Variants in PPP1R12B observed in about 807,000 individuals in gnomAD.
PPP1R12B encodes myosin phosphatase target subunit 2.
Under a neutral mutation model 126.1 loss-of-function variants are expected in PPP1R12B, and 76 were observed. That is an observed-to-expected ratio of 0.60 (90% CI 0.50 to 0.73). The LOEUF (loss-of-function observed/expected upper bound fraction) is 0.73. Ranked by LOEUF, PPP1R12B falls within the 30% of genes least tolerant of loss-of-function variation. The pLI is 0.00. For missense variants in PPP1R12B, 1,052 were observed against 1,205.1 expected, an observed-to-expected ratio of 0.87 and a Z score of 1.88; for synonymous variants, 356 against 434.7, an observed-to-expected ratio of 0.82 and a Z score of 2.25.
intron 2 of PPP1R12B, among the ~76,000 whole-genome samples, chr1:202,421,786 C>T (rs12734001): frequency 3.3e-5 from 5 of 152,026 alleles, no homozygotes; most frequent in African/African-American, 7.3e-5. Flanking sequence ...GAGCTCCTAG[C>T]GTTATTAGAG....
chr1:202,438,381 C>G, intron 10 of PPP1R12B: 2 of 716,942 alleles, frequency 2.8e-6, no homozygotes, highest in Non-Finnish European at 4.4e-6. Context: ...GGCCAATTCC[C>G]GTCCCCCCAG....
chr1:202,588,990 A>G lies in PPP1R12B; in HGVS notation c.*8430A>G, dbSNP rs1690008186. On this transcript the variant is annotated 3_prime_UTR_variant, in exon 24 of 24. Coordinates refer to ENST00000608999, the MANE Select transcript of PPP1R12B (RefSeq NM_002481.4). Reference sequence around the variant, plus strand: ...GGTGAACACTAGCACACTCTAGTACATGGGAAAGTTGAGGTCTAGGGAGGT... The same window carrying G: ...GGTGAACACTAGCACACTCTAGTACGTGGGAAAGTTGAGGTCTAGGGAGGT... 1.3e-5 allele frequency: 2 copies of G among 152,298 alleles called. No homozygotes were observed. Among genetic ancestry groups the G allele is most frequent in the East Asian group, 1.9e-4 (1 of 5,178 alleles). The allele number at this position is 152,298 out of a possible 1,614,324, so 9.4% of individuals were successfully genotyped here. A position where few individuals can be genotyped will look rare whatever the true frequency, so the allele number is the denominator to read the frequency against.
chr1:202,513,423 AAT>A (rs1371691962), intron 18 of PPP1R12B, among the ~76,000 whole-genome samples: 1 of 152,164 alleles, frequency 6.6e-6, no homozygotes, highest in Non-Finnish European at 1.5e-5. Flanking sequence ...CAGGAGGAAG[AAT>A]ATGTTTGGGG....
intron 1 of PPP1R12B, among the ~76,000 whole-genome samples, chr1:202,398,028 C>G (rs1665251376): frequency 6.6e-6 from 1 of 152,232 alleles, no homozygotes; most frequent in Non-Finnish European, 1.5e-5. Context: ...TCTCCCACCT[C>G]AGCCTCCCGA....
At chr1:202,542,386 G>A (rs1411554391) in intron 18 of PPP1R12B, among the ~76,000 whole-genome samples, 9 of 152,222 alleles carry the variant, frequency 5.9e-5, no homozygotes, top group Middle Eastern at 3.2e-3. Context: ...GAAATGGCTT[G>A]CCTAGCATTG....
chr1:202,492,729 A>C (rs1369538960), intron 14 of PPP1R12B, among the ~76,000 whole-genome samples: 1 of 152,106 alleles, frequency 6.6e-6, no homozygotes, highest in Admixed American at 6.5e-5. Flanking sequence ...ATTTTTCCCC[A>C]GTATCTGCTG....
chr1:202,488,039 A>C (rs187186055), intron 13 of PPP1R12B, among the ~76,000 whole-genome samples: 49 of 152,350 alleles, frequency 3.2e-4, no homozygotes, highest in African/African-American at 1.1e-3. Flanking sequence ...ATTAACAATA[A>C]TACTAATAAC....
At chr1:202,446,034 C>T (rs1282649740) in intron 12 of PPP1R12B, among the ~76,000 whole-genome samples, 5 of 151,620 alleles carry the variant, frequency 3.3e-5, no homozygotes, top group Non-Finnish European at 7.4e-5. Context: ...CTAAAATAAG[C>T]GGTAATCATT....
chr1:202,371,246 C>G (rs1160519113), intron 1 of PPP1R12B, among the ~76,000 whole-genome samples: 1 of 147,278 alleles, frequency 6.8e-6, no homozygotes, highest in Non-Finnish European at 1.5e-5. Flanking sequence ...GTCTCAAACT[C>G]CTGGGCTCAA....
chr1:202,498,834 C>A (rs1679869026), intron 18 of PPP1R12B, among the ~76,000 whole-genome samples: 1 of 152,140 alleles, frequency 6.6e-6, no homozygotes, highest in African/African-American at 2.4e-5. Context: ...AGCATGGATA[C>A]AGTTGAGAAG....
intron 1 of PPP1R12B, among the ~76,000 whole-genome samples, chr1:202,358,145 C>T (rs1657452850): frequency 6.6e-6 from 1 of 151,994 alleles, no homozygotes; most frequent in Non-Finnish European, 1.5e-5. Flanking sequence ...AGACCTTGGC[C>T]CAGAATGTCA....
chr1:202,515,858 T>C (rs1682086858), intron 18 of PPP1R12B, among the ~76,000 whole-genome samples: 1 of 152,180 alleles, frequency 6.6e-6, no homozygotes, highest in African/African-American at 2.4e-5. Context: ...CCTGGCCTCG[T>C]AGTGTTGGTA....
At chr1:202,574,896 AAAAC>A in intron 23 of PPP1R12B, 1 of 1,213,652 alleles carries the variant, frequency 8.2e-7, no homozygotes. Flanking sequence ...ACTAAAAACA[AAAAC>A]AAAAAGTCAT....
intron 1 of PPP1R12B, among the ~76,000 whole-genome samples, chr1:202,401,017 G>A (rs1183816502): frequency 6.6e-6 from 1 of 152,168 alleles, no homozygotes; most frequent in African/African-American, 2.4e-5. Context: ...TTTGTGATAT[G>A]TGCAACTTAT....
intron 11 of PPP1R12B, among the ~76,000 whole-genome samples, chr1:202,441,431 G>A (rs1671607073): frequency 1.3e-5 from 2 of 152,104 alleles, no homozygotes; most frequent in Admixed American, 1.3e-4. Context: ...CAAAGTGCTG[G>A]GATTGTAGGT....
intron 1 of PPP1R12B, among the ~76,000 whole-genome samples, chr1:202,389,247 A>T (rs1663674779): frequency 6.6e-6 from 1 of 152,234 alleles, no homozygotes; most frequent in South Asian, 2.1e-4. Flanking sequence ...TCTATGACAA[A>T]AAACATCCTA....
intron 1 of PPP1R12B, among the ~76,000 whole-genome samples, chr1:202,385,434 AAG>A (rs1259158607): frequency 6.6e-6 from 1 of 152,240 alleles, no homozygotes; most frequent in Non-Finnish European, 1.5e-5. Context: ...ATCTGGAAAA[AAG>A]AAGCTCATTC....
At chr1:202,460,949 A>C (rs1674239375) in intron 13 of PPP1R12B, among the ~76,000 whole-genome samples, 1 of 152,044 alleles carries the variant, frequency 6.6e-6, no homozygotes, top group Admixed American at 6.6e-5. Context: ...TTTTTTTCAG[A>C]ATATGTCTCT....
At chr1:202,472,828 T>G (rs537437860) in intron 13 of PPP1R12B, among the ~76,000 whole-genome samples, 1 of 152,302 alleles carries the variant, frequency 6.6e-6, no homozygotes, top group Admixed American at 6.5e-5. Flanking sequence ...GCCACATGGT[T>G]TCTGTTGCAA....
Sources: gnomAD v4.1 joint callset for allele counts (sites outside exome capture counted in the v4.1 genomes callset) on GRCh38, gnomAD v4.1.1 for gene constraint, MANE v1.5 for transcripts, NCBI Gene and HGNC (gene_info 2026-07-23, HGNC 2026-07-21) for gene names.